Variants in GRM7 observed in about 807,000 individuals in gnomAD.
The protein encoded by GRM7 is glutamate metabotropic receptor 7, also known as metabotropic glutamate receptor 7.
Under a neutral mutation model 84.5 loss-of-function variants are expected in GRM7, and 35 were observed. The ratio of observed to expected loss-of-function variants is 0.41; its 90% CI spans 0.32 to 0.55. The LOEUF is 0.55. GRM7 is among the 20% of genes least tolerant of loss of function. GRM7 has a pLI of 0.19. For synonymous variants in GRM7, 487 were observed against 455.1 expected (o/e 1.07, Z -0.89); for missense variants, 1,003 against 1,194.6 (o/e 0.84, Z 2.36).
In GRM7 at chr3:7,599,973, A is replaced by G. The variant is rs142197869; in HGVS notation, c.2451+20616A>G. On this transcript the variant is annotated intron_variant, in intron 8 of 9. Coordinates refer to ENST00000357716, the MANE Select transcript of GRM7 (RefSeq NM_000844.4). ...TAGCTATCTTATCACCTTAGCAACA[A>G]TTGAACCAAACAGGTCATTTAGCAT... Among the ~76,000 whole-genome samples, 1,179 of 152,270 alleles carry G rather than the reference A, an allele frequency of 7.7e-3. 6 individuals carry two copies. The highest frequency in any genetic ancestry group is 0.012 in the Non-Finnish European group (800 of 68,008).
At chr3:6,954,963 T>G (rs1481841215) in intron 1 of GRM7, among the ~76,000 whole-genome samples, 2 of 152,162 alleles carry the variant, frequency 1.3e-5, no homozygotes, top group African/African-American at 4.8e-5. Context: ...ACCAATAAAG[T>G]GGGGTTAATA....
At chr3:7,573,597 T>C (rs1024303221) in intron 7 of GRM7, among the ~76,000 whole-genome samples, 3 of 152,210 alleles carry the variant, frequency 2.0e-5, no homozygotes, top group African/African-American at 7.2e-5. Flanking sequence ...GATTATAAGG[T>C]CTGCACATTC....
intron 1 of GRM7, among the ~76,000 whole-genome samples, chr3:6,991,286 C>G (rs952220580): frequency 2.6e-5 from 4 of 152,182 alleles, no homozygotes; most frequent in African/African-American, 7.2e-5. Flanking sequence ...TGCTCTTCCT[C>G]TTTACTCCCA....
intron 8 of GRM7, among the ~76,000 whole-genome samples, 163 bp from the exon 9 acceptor site, chr3:7,679,886 T>C (rs972307779): frequency 1.3e-5 from 2 of 152,240 alleles, no homozygotes; most frequent in Non-Finnish European, 2.9e-5. Context: ...GCATATGCTC[T>C]CCAATAACTG....
At chr3:7,176,140 G>A (rs1013390155) in intron 2 of GRM7, among the ~76,000 whole-genome samples, 2 of 146,564 alleles carry the variant, frequency 1.4e-5, no homozygotes, top group Non-Finnish European at 1.5e-5. Context: ...ACATGTTCAT[G>A]CCTATAAGGC....
intron 8 of GRM7, among the ~76,000 whole-genome samples, chr3:7,669,394 G>A (rs1699833912): frequency 6.6e-6 from 1 of 152,178 alleles, no homozygotes; most frequent in Non-Finnish European, 1.5e-5. Context: ...AGGGCTTAAG[G>A]ATGGATGGAG....
intron 7 of GRM7, among the ~76,000 whole-genome samples, chr3:7,473,586 A>AT (rs1698802246): frequency 6.6e-6 from 1 of 151,842 alleles, no homozygotes; most frequent in East Asian, 1.9e-4. Context: ...AAGGGCAGAT[A>AT]TTTTTTAAGA....
Position 7,572,873 on chromosome 3 carries a change from TATATATAA to T in GRM7, c.1516-5545_1516-5538del, listed in dbSNP as rs1387286530. 4.8e-4 allele frequency among the ~76,000 whole-genome samples: 32 copies of T among 66,862 alleles called. 5 individuals carry two copies. Among genetic ancestry groups the T allele is most frequent in the African/African-American group, 1.4e-3 (26 of 18,548 alleles). 43.9% of individuals were successfully genotyped at this position (66,862 alleles called of 152,430 possible). A position where few individuals can be genotyped will look rare whatever the true frequency, so the allele number is the denominator to read the frequency against. ...ATATATATATATATATATATATATA[TATATATAA>T]ATAATCTTTCTACCTATAATAATTC... On this transcript the variant is annotated intron_variant, in intron 7 of 9. Coordinates refer to ENST00000357716, the MANE Select transcript of GRM7 (RefSeq NM_000844.4).
chr3:7,054,478 G>A (rs1455439511), intron 1 of GRM7, among the ~76,000 whole-genome samples: 2 of 151,436 alleles, frequency 1.3e-5, no homozygotes, highest in South Asian at 2.1e-4. Flanking sequence ...GGGATGCAAT[G>A]TTAAGTACAA....
chr3:7,695,626 T>C (rs1318384020), intron 9 of GRM7, among the ~76,000 whole-genome samples: 1 of 152,178 alleles, frequency 6.6e-6, no homozygotes, highest in Non-Finnish European at 1.5e-5. Context: ...CTGGAGCCCA[T>C]ATACCTGGAT....
chr3:7,426,852 C>T (rs942408790), intron 5 of GRM7, among the ~76,000 whole-genome samples: 1 of 152,154 alleles, frequency 6.6e-6, no homozygotes, highest in Non-Finnish European at 1.5e-5. Flanking sequence ...TGTTGAGAAA[C>T]TACTAATTTT....
chr3:7,326,270 T>C (rs1365076387), intron 4 of GRM7, among the ~76,000 whole-genome samples: 2 of 137,000 alleles, frequency 1.5e-5, no homozygotes, highest in East Asian at 4.3e-4. Context: ...ATTATAATTA[T>C]TGAATAGGTG....
chr3:7,016,889 C>G (rs1325597804), intron 1 of GRM7, among the ~76,000 whole-genome samples: 1 of 152,162 alleles, frequency 6.6e-6, no homozygotes, highest in African/African-American at 2.4e-5. Flanking sequence ...CTGGCAATTG[C>G]AATTTCATGT....
At chr3:7,257,729 G>T (rs746192323) in intron 2 of GRM7, among the ~76,000 whole-genome samples, 1 of 152,138 alleles carries the variant, frequency 6.6e-6, no homozygotes, top group Non-Finnish European at 1.5e-5. Flanking sequence ...GCATGGATCA[G>T]ACCTTGAGCA....
intron 1 of GRM7, among the ~76,000 whole-genome samples, chr3:6,958,766 T>C (rs1412985516): frequency 2.0e-5 from 3 of 152,168 alleles, no homozygotes; most frequent in Non-Finnish European, 4.4e-5. Flanking sequence ...AGAGTCCTTC[T>C]AGCTCTCATT....
intron 7 of GRM7, among the ~76,000 whole-genome samples, chr3:7,466,168 A>G (rs558128435): frequency 6.6e-6 from 1 of 152,310 alleles, no homozygotes; most frequent in East Asian, 1.9e-4. Flanking sequence ...ATGATTGTCT[A>G]TGTGCAGTGT....
At chr3:7,724,944 T>C (rs200332647) in intron 9 of GRM7, among the ~76,000 whole-genome samples, 2 of 22,898 alleles carry the variant, frequency 8.7e-5, no homozygotes, top group South Asian at 3.3e-3. Context: ...TTTATTATTA[T>C]TTTTTTTTTA....
intron 8 of GRM7, among the ~76,000 whole-genome samples, chr3:7,649,503 GT>G (rs1184799868): frequency 5.3e-5 from 8 of 152,122 alleles, no homozygotes; most frequent in African/African-American, 1.9e-4. Flanking sequence ...GTTGATAGTG[GT>G]TATTTTTGTC....
At chr3:6,940,259 T>A (rs904340889) in intron 1 of GRM7, among the ~76,000 whole-genome samples, 19 of 151,996 alleles carry the variant, frequency 1.3e-4, no homozygotes, top group African/African-American at 4.6e-4. Context: ...GCCCAGCTAA[T>A]TTTTATATTT....
Sources: gnomAD v4.1 joint callset for allele counts (sites outside exome capture counted in the v4.1 genomes callset) on GRCh38, gnomAD v4.1.1 for gene constraint, MANE v1.5 for transcripts, NCBI Gene and HGNC (gene_info 2026-07-23, HGNC 2026-07-21) for gene names.